Variants in TET3 observed in about 807,000 individuals in gnomAD.
TET3 encodes the protein tet methylcytosine dioxygenase 3.
In TET3, 19 loss-of-function variants were observed where a neutral mutation model predicts 141.4. That is an observed-to-expected ratio of 0.13 (90% confidence interval 0.09 to 0.20). TET3 has a LOEUF of 0.20. Among genes scored for constraint, TET3 ranks in the 10% least tolerant of loss-of-function variants. TET3 has a pLI of 1.00. For synonymous variants in TET3, 1,043 were observed against 980.9 expected, an observed-to-expected ratio of 1.06 and a Z score of -1.18; for missense variants, 1,874 against 2,356.9, an observed-to-expected ratio of 0.80 and a Z score of 4.24.
intron 2 of TET3, among the ~76,000 whole-genome samples, chr2:73,987,482 C>A (rs886837979): frequency 1.3e-5 from 2 of 152,258 alleles, no homozygotes; most frequent in African/African-American, 4.8e-5. Flanking sequence ...TTGCATTGGC[C>A]GTCTTTCCCT....
At chr2:74,003,665 G>T (rs1469982883) in intron 3 of TET3, among the ~76,000 whole-genome samples, 1 of 151,696 alleles carries the variant, frequency 6.6e-6, no homozygotes, top group East Asian at 1.9e-4. Flanking sequence ...GGCTGGAGAG[G>T]AGAGGAGGTG....
intron 6 of TET3, among the ~76,000 whole-genome samples, chr2:74,081,422 T>G (rs143049958): frequency 6.6e-6 from 1 of 152,304 alleles, no homozygotes; most frequent in Non-Finnish European, 1.5e-5. Context: ...TAGAGACATA[T>G]GAAATAAAGT....
At chr2:73,986,923 C>G (rs552351365) in intron 2 of TET3, among the ~76,000 whole-genome samples, 1 of 152,188 alleles carries the variant, frequency 6.6e-6, no homozygotes, top group African/African-American at 2.4e-5. Flanking sequence ...TGAGCTAGCA[C>G]CCTCATCTCT....
chr2:74,123,825 C>T, the TET3 span, among the ~76,000 whole-genome samples: 1 of 152,036 alleles, frequency 6.6e-6, no homozygotes, highest in Admixed American at 6.5e-5. Context: ...AGTGTCTCTG[C>T]CCGGCCGCCC....
downstream of TET3, among the ~76,000 whole-genome samples, chr2:74,108,412 T>C (rs886952052): frequency 2.0e-5 from 3 of 152,260 alleles, no homozygotes; most frequent in Non-Finnish European, 4.4e-5. Flanking sequence ...CTTTTTCTCA[T>C]CTATGTTTCT....
intron 4 of TET3, among the ~76,000 whole-genome samples, chr2:74,072,292 C>A (rs1689252025): frequency 6.6e-6 from 1 of 152,196 alleles, no homozygotes; most frequent in South Asian, 2.1e-4. Flanking sequence ...GTGAGTGGAT[C>A]ACCTGAGGTC....
At chr2:74,128,772 G>T in the TET3 span, among the ~76,000 whole-genome samples, 1 of 151,054 alleles carries the variant, frequency 6.6e-6, no homozygotes, top group African/African-American at 2.4e-5. Flanking sequence ...TCACTTGAGG[G>T]CAGAAATTTG....
chr2:74,121,685 A>T, the TET3 span: 1 of 152,214 alleles, frequency 6.6e-6, no homozygotes, highest in Non-Finnish European at 1.5e-5. Flanking sequence ...CAAACCCAAT[A>T]TTGGCTGCTT....
At chr2:73,996,170 T>G (rs1684585696) in intron 2 of TET3, among the ~76,000 whole-genome samples, 1 of 152,194 alleles carries the variant, frequency 6.6e-6, no homozygotes, top group African/African-American at 2.4e-5. Flanking sequence ...GTGTGGTGAC[T>G]GGGCGGGCCG....
At chr2:74,040,517 G>A (rs1424951221) in intron 3 of TET3, among the ~76,000 whole-genome samples, 1 of 152,140 alleles carries the variant, frequency 6.6e-6, no homozygotes, top group Non-Finnish European at 1.5e-5. Flanking sequence ...TCTCAGGAGG[G>A]AGAGTTCAGT....
the TET3 span, chr2:74,134,938 C>A: frequency 2.9e-6 from 1 of 340,632 alleles, no homozygotes; most frequent in Non-Finnish European, 5.9e-6. Context: ...CAGGGCAGGT[C>A]CATCTGATTG....
chr2:74,006,812 C>G (rs1186613028), intron 3 of TET3, among the ~76,000 whole-genome samples: 1 of 152,224 alleles, frequency 6.6e-6, no homozygotes, highest in Non-Finnish European at 1.5e-5. Flanking sequence ...ACCCGGGCAT[C>G]TGGCAGTTAG....
At chr2:74,007,562 C>T (rs1685209784) in intron 3 of TET3, among the ~76,000 whole-genome samples, 2 of 152,130 alleles carry the variant, frequency 1.3e-5, no homozygotes, top group South Asian at 2.1e-4. Context: ...GTGTGGGCCC[C>T]GCAGCCCTTA....
intron 3 of TET3, among the ~76,000 whole-genome samples, chr2:74,026,783 A>G (rs1213071127): frequency 1.4e-5 from 2 of 144,850 alleles, no homozygotes; most frequent in Non-Finnish European, 3.0e-5. Context: ...CCTGTTTTCT[A>G]GTTATCTGTG....
chr2:74,072,540 T>C (rs1331917947), intron 4 of TET3, among the ~76,000 whole-genome samples: 1 of 152,038 alleles, frequency 6.6e-6, no homozygotes, highest in Non-Finnish European at 1.5e-5. Flanking sequence ...GTTTTCAAGG[T>C]TCATCCATAT....
intron 3 of TET3, among the ~76,000 whole-genome samples, chr2:74,038,510 A>C (rs1687183936): frequency 6.6e-6 from 1 of 152,150 alleles, no homozygotes; most frequent in African/African-American, 2.4e-5. Context: ...GTTGGCAGTA[A>C]GATGTGCAGC....
At position 74,101,404 on chromosome 2, in the gene TET3, C is replaced by T; in HGVS notation, c.4616C>T (p.Ala1539Val). ...SLTEKPWALG[A>V]GDFNSALKGS... is the part of the protein sequence containing the mutation. ...ACTGAGAAGCCGTGGGCGCTGGGGG[C>T]AGGGGATTTCAACTCGGCCCTGAAA... Residue 1539 changes from alanine to valine, a missense_variant, in exon 12 of 12, where the codon GCA becomes GTA. By Grantham distance (64) the Ala-to-Val change is moderately conservative. This residue lies in a region of TET3 where 602 missense variants were observed against 590.2 expected (regional missense o/e 1.02). Transcript: ENST00000409262. This position sits in a 1 kb window ranked among gnomAD's most constrained non-coding sequence, Gnocchi z 8.5. 2 of 1,613,842 alleles carry T rather than the reference C, an allele frequency of 1.2e-6. No homozygotes were observed. The highest frequency in any genetic ancestry group is 1.1e-5 in the South Asian group (1 of 91,070).
downstream of TET3, among the ~76,000 whole-genome samples, chr2:74,108,419 TTC>T (rs1393878705): frequency 1.3e-5 from 2 of 152,216 alleles, no homozygotes; most frequent in Admixed American, 1.3e-4. Flanking sequence ...TCATCTATGT[TTC>T]TCTTTTTGTT....
chr2:74,112,523 C>G (rs1691728176), downstream of TET3, among the ~76,000 whole-genome samples: 1 of 151,930 alleles, frequency 6.6e-6, no homozygotes, highest in Non-Finnish European at 1.5e-5. Context: ...CCAAGTTAAC[C>G]AAGTTATCTA....
Sources: gnomAD v4.1 joint callset for allele counts (sites outside exome capture counted in the v4.1 genomes callset) on GRCh38, gnomAD v4.1.1 for gene constraint, gnomAD v4.1.1 regional missense constraint, Gnocchi (gnomAD v3.1) non-coding constraint, MANE v1.5 for transcripts, NCBI Gene and HGNC (gene_info 2026-07-23, HGNC 2026-07-21) for gene names.